The following LYRM4 variants were observed in gnomAD, a reference collection of about 807,000 sequenced individuals.
LYRM4 encodes LYR motif containing 4.
A neutral mutation model predicts 11.7 loss-of-function variants in LYRM4; 9 were observed. The ratio of observed to expected loss-of-function variants is 0.77; its 90% CI spans 0.46 to 1.34. LYRM4 has a LOEUF of 1.34. LYRM4 is among the 40% of genes most tolerant of loss of function. The probability of loss-of-function intolerance (pLI) is 0.00; values close to 1 mark genes in which losing one functional copy is unlikely to be tolerated. For missense variants in LYRM4, 133 were observed against 112.5 expected (o/e 1.18, Z -0.82); for synonymous variants, 42 against 40.4 (o/e 1.04, Z -0.15).
At chr6:5,171,968 A>T (rs1019751254) in intron 2 of LYRM4, among the ~76,000 whole-genome samples, 2 of 152,210 alleles carry the variant, frequency 1.3e-5, no homozygotes, top group Non-Finnish European at 2.9e-5. Flanking sequence ...GTCCATAAAC[A>T]TAACAGTGAC....
chr6:5,140,436 G>A (rs1298077009), intron 2 of LYRM4, among the ~76,000 whole-genome samples: 1 of 152,162 alleles, frequency 6.6e-6, no homozygotes, highest in African/African-American at 2.4e-5. Flanking sequence ...TTTGGAGGAA[G>A]GAACATTTAA....
chr6:5,118,101 T>TA (rs1763224724), intron 2 of LYRM4, among the ~76,000 whole-genome samples: 2 of 54,848 alleles, frequency 3.6e-5, no homozygotes, highest in Non-Finnish European at 4.8e-5. Context: ...TATATTTTTG[T>TA]TTTGTTTTGT....
chr6:5,127,164 G>C lies in LYRM4; in HGVS notation c.208-17673C>G, dbSNP rs181940300. ...GGGATTTCACCATGTTGGCCAGGCT[G>C]GTCTCAAACTTCTGACCTTAAGTGA... On this transcript the variant is annotated intron_variant, in intron 2 of 2. Coordinates refer to ENST00000330636, the MANE Select transcript of LYRM4 (RefSeq NM_020408.6). 4.1e-3 allele frequency among the ~76,000 whole-genome samples: 628 copies of C among 152,238 alleles called. 22 individuals carry two copies. The highest frequency in any genetic ancestry group is 0.038 in the Admixed American group (583 of 15,300).
the LYRM4 span, among the ~76,000 whole-genome samples, chr6:5,034,864 G>A: frequency 4.7e-5 from 7 of 149,788 alleles, no homozygotes; most frequent in African/African-American, 1.7e-4. Context: ...GTGCTGACTG[G>A]CTCTCATGTT....
At chr6:5,154,529 G>A (rs191719751) in intron 2 of LYRM4, among the ~76,000 whole-genome samples, 18 of 152,276 alleles carry the variant, frequency 1.2e-4, no homozygotes, top group Admixed American at 1.0e-3. Flanking sequence ...AAAGAAAGGC[G>A]GATTCGGCCG....
Position 5,109,270 on chromosome 6 carries a change from C to T in LYRM4, c.*153G>A. 5 of 1,510,368 alleles carry T rather than the reference C, an allele frequency of 3.3e-6. No individual in the cohort carries two copies. Among genetic ancestry groups the T allele is most frequent in the Non-Finnish European group, 3.5e-6 (4 of 1,128,572 alleles). The allele number at this position is 1,510,368 out of a possible 1,614,324, so 93.6% of individuals were successfully genotyped here. A position where few individuals can be genotyped will look rare whatever the true frequency, so the allele number is the denominator to read the frequency against. The stretch of plus-strand genomic sequence containing the variant: ...CAGCAGTCCTTTTTCACTAAGCCTG[C>T]AACAGAATGCAAATGTGACTTGGTT... On this transcript the variant is annotated 3_prime_UTR_variant, in exon 3 of 3. Coordinates refer to ENST00000330636, the MANE Select transcript of LYRM4 (RefSeq NM_020408.6).
At chr6:5,142,300 G>C (rs937500901) in intron 2 of LYRM4, among the ~76,000 whole-genome samples, 15 of 152,256 alleles carry the variant, frequency 9.9e-5, no homozygotes, top group African/African-American at 3.6e-4. Flanking sequence ...CCAGGTTACA[G>C]TGAGGCCATA....
chr6:5,197,178 A>G (rs1461038325), intron 2 of LYRM4, among the ~76,000 whole-genome samples: 1 of 152,152 alleles, frequency 6.6e-6, no homozygotes, highest in Admixed American at 6.5e-5. Context: ...CCTCAAACCA[A>G]GTCCTTTGGA....
chr6:5,187,111 A>C (rs1357854480), intron 2 of LYRM4: 4 of 790,134 alleles, frequency 5.1e-6, no homozygotes, highest in Non-Finnish European at 6.1e-6. Flanking sequence ...TAGAAAAGAA[A>C]TGCACATGCT....
chr6:5,115,334 T>C (rs1268044955), intron 2 of LYRM4, among the ~76,000 whole-genome samples: 1 of 152,224 alleles, frequency 6.6e-6, no homozygotes, highest in African/African-American at 2.4e-5. Context: ...GTGGCCCCTT[T>C]GAAGGCTTTG....
Position 5,245,101 on chromosome 6 carries a change from AAAAAAAAAAAAAATATATATAT to A in LYRM4, c.86+15525_86+15546del, listed in dbSNP as rs1415217542. ...TGCAGGAAGACCTTAAAAAAAAAAA[AAAAAAAAAAAAAATATATATAT>A]ATATATATATATATATATATATATA... On this transcript the variant is annotated intron_variant, in intron 1 of 2. Transcript: ENST00000330636. 3.4e-4 allele frequency among the ~76,000 whole-genome samples: 19 copies of A among 55,104 alleles called. 1 individual carries two copies. The highest frequency in any genetic ancestry group is 9.0e-4 in the African/African-American group (14 of 15,492). The allele number at this position is 55,104 out of a possible 152,430, so 36.2% of individuals were successfully genotyped here.
chr6:5,091,029 G>T, the LYRM4 span, among the ~76,000 whole-genome samples: 1 of 152,078 alleles, frequency 6.6e-6, no homozygotes, highest in African/African-American at 2.4e-5. Context: ...AATCAAACTT[G>T]CATTTTTGGT....
intron 2 of LYRM4, among the ~76,000 whole-genome samples, chr6:5,139,126 C>T (rs553370004): frequency 4.1e-4 from 63 of 152,264 alleles, no homozygotes; most frequent in Admixed American, 1.2e-3. Context: ...GACATCTCTG[C>T]GGTAGGGAGA....
At chr6:5,072,169 T>C in the LYRM4 span, among the ~76,000 whole-genome samples, 1 of 152,372 alleles carries the variant, frequency 6.6e-6, no homozygotes. Context: ...TTCCTTTTTG[T>C]GGTTGCAGAG....
the LYRM4 span, among the ~76,000 whole-genome samples, chr6:5,075,999 C>T: frequency 2.0e-5 from 3 of 151,388 alleles, no homozygotes; most frequent in African/African-American, 7.3e-5. Flanking sequence ...GGCTGGAGTG[C>T]AGTGGTGCGA....
At chr6:5,071,794 C>T in the LYRM4 span, among the ~76,000 whole-genome samples, 10 of 152,064 alleles carry the variant, frequency 6.6e-5, no homozygotes, top group African/African-American at 2.2e-4. Context: ...TGCACCACCA[C>T]GCCCAGCTAA....
intron 2 of LYRM4, among the ~76,000 whole-genome samples, chr6:5,194,274 T>C (rs755323969): frequency 3.9e-5 from 6 of 152,206 alleles, no homozygotes; most frequent in Non-Finnish European, 8.8e-5. Flanking sequence ...ATAAATCTTG[T>C]TGAAGGATAC....
At chr6:5,048,348 C>T in the LYRM4 span, among the ~76,000 whole-genome samples, 1 of 150,254 alleles carries the variant, frequency 6.7e-6, no homozygotes, top group Admixed American at 6.6e-5. Flanking sequence ...GAGGCTCCCT[C>T]TCTGTTGCCC....
chr6:5,239,594 G>T (rs1007354426), intron 1 of LYRM4, among the ~76,000 whole-genome samples: 1 of 152,044 alleles, frequency 6.6e-6, no homozygotes, highest in Non-Finnish European at 1.5e-5. Flanking sequence ...CGCACGCTAG[G>T]GAAGGAAGAA....
Sources: gnomAD v4.1 joint callset for allele counts (sites outside exome capture counted in the v4.1 genomes callset) on GRCh38, gnomAD v4.1.1 for gene constraint, MANE v1.5 for transcripts, NCBI Gene and HGNC (gene_info 2026-07-23, HGNC 2026-07-21) for gene names.